Variants in RGS6 observed in about 807,000 individuals in gnomAD.
RGS6 encodes the protein regulator of G protein signaling 6.
RGS6 carries 30 observed loss-of-function variants against 78.5 expected under a neutral mutation model. The ratio of observed to expected loss-of-function variants is 0.38; its 90% CI spans 0.29 to 0.52. The LOEUF (loss-of-function observed/expected upper bound fraction) is 0.52, where lower values mean the gene tolerates loss of function less well. Ranked by LOEUF, RGS6 falls within the 20% of genes least tolerant of loss-of-function variation. The pLI is 0.85. For synonymous variants in RGS6, 206 were observed against 206.0 expected (o/e 1.00, Z 0.00); for missense variants, 495 against 609.7 (o/e 0.81, Z 1.98).
At chr14:72,389,127 TAC>T (rs749936939) in intron 3 of RGS6, among the ~76,000 whole-genome samples, 8 of 152,180 alleles carry the variant, frequency 5.3e-5, no homozygotes, top group Non-Finnish European at 1.2e-4. Context: ...ATGCTGGGAA[TAC>T]AGATTGTGGA....
rs142167445 is a variant in RGS6 at position 72,410,140 on chromosome 14, C to T, written c.185-44388C>T. On this transcript the variant is annotated intron_variant, in intron 3 of 17. Coordinates refer to ENST00000553525, the MANE Select transcript of RGS6 (RefSeq NM_001204424.2). ...TCTACATCCCTGAGGAATCGCCACA[C>T]CAACTTCCACAATGGTTGAACTAGT... 5.5e-3 allele frequency among the ~76,000 whole-genome samples: 834 copies of T among 152,340 alleles called. 6 individuals carry two copies. The highest frequency in any genetic ancestry group is 0.018 in the African/African-American group (757 of 41,580).
intron 17 of RGS6, 58 bp from the exon 18 acceptor site, chr14:72,562,359 G>A: frequency 1.9e-6 from 3 of 1,553,584 alleles, no homozygotes; most frequent in South Asian, 1.1e-5. Context: ...CTGGCTCTCT[G>A]TCTCTGTCCC....
chr14:72,166,091 GAGAC>G (rs1318936666), intron 2 of RGS6, among the ~76,000 whole-genome samples: 2 of 109,228 alleles, frequency 1.8e-5, no homozygotes, highest in South Asian at 6.1e-4. Context: ...TCCCATTTTT[GAGAC>G]ACACACACAC....
At chr14:72,608,365 C>T in the RGS6 span, among the ~76,000 whole-genome samples, 1 of 152,206 alleles carries the variant, frequency 6.6e-6, no homozygotes, top group Admixed American at 6.5e-5. Flanking sequence ...AAGGCCATTG[C>T]TAAGCAGACT....
At chr14:72,387,545 T>A (rs1420201193) in intron 3 of RGS6, among the ~76,000 whole-genome samples, 2 of 147,358 alleles carry the variant, frequency 1.4e-5, no homozygotes, top group Non-Finnish European at 3.0e-5. Context: ...CGAGACTCCA[T>A]CTCAAACAAA....
chr14:71,896,946 A>G, the RGS6 span, among the ~76,000 whole-genome samples: 1 of 152,174 alleles, frequency 6.6e-6, no homozygotes, highest in Non-Finnish European at 1.5e-5. Flanking sequence ...GATTCCTCAC[A>G]CCTGTGTAGG....
chr14:72,090,061 C>T (rs767418510), intron 2 of RGS6, among the ~76,000 whole-genome samples: 8 of 146,862 alleles, frequency 5.4e-5, no homozygotes, highest in African/African-American at 1.0e-4. Context: ...TCAGCAGAGC[C>T]GAGATCATGC....
intron 9 of RGS6, 43 bp from the exon 10 acceptor site, chr14:72,474,582 A>ATTTTCCAAT (rs1469304569): frequency 2.1e-5 from 33 of 1,566,042 alleles, no homozygotes; most frequent in Non-Finnish European, 2.9e-5. Context: ...TGGAAGTGTA[A>ATTTTCCAAT]TTTTCACGTA....
chr14:71,976,222 C>CTTTTTTTTTTTTT (rs1274389669), intron 2 of RGS6, among the ~76,000 whole-genome samples: 1 of 139,202 alleles, frequency 7.2e-6, no homozygotes, highest in Non-Finnish European at 1.6e-5. Flanking sequence ...TCTTTTTTTT[C>CTTTTTTTTTTTTT]TTTTTTTTTT....
chr14:72,371,816 G>C (rs1030609336), intron 3 of RGS6, among the ~76,000 whole-genome samples: 1 of 152,204 alleles, frequency 6.6e-6, no homozygotes, highest in African/African-American at 2.4e-5. Flanking sequence ...AATTTGAGAA[G>C]AGAATGAAAT....
rs116850417 is a variant in RGS6 at position 72,435,724 on chromosome 14, C to T, written c.185-18804C>T. ...CCAGCAGCTCTCTGGCATGTTTGTG[C>T]TTCTCATTCTCATTCTCTCTCTCTC... On this transcript the variant is annotated intron_variant, in intron 3 of 17. Coordinates refer to ENST00000553525, the MANE Select transcript of RGS6 (RefSeq NM_001204424.2). 8.4e-3 allele frequency among the ~76,000 whole-genome samples: 1,275 copies of T among 151,800 alleles called. 10 individuals carry two copies. The highest frequency in any genetic ancestry group is 0.037 in the Middle Eastern group (11 of 294).
chr14:72,411,178 G>A (rs1445399684), intron 3 of RGS6, among the ~76,000 whole-genome samples: 4 of 152,234 alleles, frequency 2.6e-5, no homozygotes, highest in East Asian at 1.9e-4. Context: ...CCATTTTCAC[G>A]ATATTGATTC....
At chr14:72,369,825 T>G (rs1484486677) in intron 3 of RGS6, among the ~76,000 whole-genome samples, 1 of 152,184 alleles carries the variant, frequency 6.6e-6, no homozygotes, top group Non-Finnish European at 1.5e-5. Flanking sequence ...CGTGATGGAA[T>G]TAAATCAATT....
intron 2 of RGS6, among the ~76,000 whole-genome samples, chr14:72,295,422 C>T (rs1286720385): frequency 1.3e-5 from 2 of 152,132 alleles, no homozygotes; most frequent in Non-Finnish European, 2.9e-5. Flanking sequence ...CAGTAACCCC[C>T]TCCCCAGATC....
At position 72,566,097 on chromosome 14, in the gene RGS6, G is replaced by C. The variant is rs747060485; in HGVS notation, c.*3630G>C. The C allele has an allele frequency of 6.6e-6, 1 of 152,238 alleles. No homozygotes were observed. Among genetic ancestry groups the C allele is most frequent in the Non-Finnish European group, 1.5e-5 (1 of 68,064 alleles). 9.4% of individuals were successfully genotyped at this position (152,238 alleles called of 1,614,324 possible). Reference sequence around the variant, plus strand: ...CTCACCATGGGACCCTCTGAAGAGAGGCCTGTGCTCGTGTAACCATAGCAA... The same window carrying C: ...CTCACCATGGGACCCTCTGAAGAGACGCCTGTGCTCGTGTAACCATAGCAA... On this transcript the variant is annotated 3_prime_UTR_variant, in exon 18 of 18. Transcript: ENST00000553525.
the RGS6 span, among the ~76,000 whole-genome samples, chr14:71,896,527 T>C: frequency 6.6e-6 from 1 of 152,202 alleles, no homozygotes; most frequent in Non-Finnish European, 1.5e-5. Flanking sequence ...GCAAGGTCTT[T>C]ATGACTTGTA....
intron 13 of RGS6, among the ~76,000 whole-genome samples, chr14:72,508,562 C>CCTTTTTTTT (rs2096838901): frequency 1.8e-5 from 1 of 56,460 alleles, no homozygotes. Context: ...ACACAAGCTC[C>CCTTTTTTTT]TTTTTTTTTT....
At chr14:72,026,488 G>C (rs982118636) in intron 2 of RGS6, among the ~76,000 whole-genome samples, 2 of 152,114 alleles carry the variant, frequency 1.3e-5, no homozygotes, top group Non-Finnish European at 2.9e-5. Context: ...AGTGAAAGTT[G>C]GTTTTAAAAC....
chr14:72,216,884 A>G (rs1008416822), intron 2 of RGS6, among the ~76,000 whole-genome samples: 5 of 152,148 alleles, frequency 3.3e-5, no homozygotes, highest in African/African-American at 1.2e-4. Flanking sequence ...ATGAGAATAT[A>G]TTTGGTTTTG....
Sources: allele counts gnomAD v4.1 joint callset (sites outside exome capture counted in the v4.1 genomes callset), GRCh38; gene constraint gnomAD v4.1.1; transcripts MANE v1.5; gene names NCBI Gene and HGNC (gene_info 2026-07-23, HGNC 2026-07-21).